The following RPTOR variants were observed in gnomAD, a reference collection of about 807,000 sequenced individuals.
RPTOR encodes the protein regulatory associated protein of MTOR complex 1.
RPTOR carries 21 observed loss-of-function variants against 169.9 expected under a neutral mutation model. The ratio of observed to expected loss-of-function variants is 0.12; its 90% CI spans 0.09 to 0.18. The LOEUF (loss-of-function observed/expected upper bound fraction) is 0.18. RPTOR is among the 10% of genes least tolerant of loss of function. The pLI, the probability that RPTOR is intolerant of heterozygous loss-of-function variation, is 1.00. For synonymous variants in RPTOR, 732 were observed against 753.2 expected, an observed-to-expected ratio of 0.97 and a Z score of 0.46; for missense variants, 1,133 against 1,855.9, an observed-to-expected ratio of 0.61 and a Z score of 7.16.
intron 3 of RPTOR, among the ~76,000 whole-genome samples, chr17:80,667,875 C>G (rs1254832871): frequency 6.6e-6 from 1 of 152,124 alleles, no homozygotes; most frequent in African/African-American, 2.4e-5. Context: ...GGCAGCCTGG[C>G]ATTTAGAAAA....
At chr17:80,880,015 G>C (rs990052482) in intron 13 of RPTOR, among the ~76,000 whole-genome samples, 2 of 152,248 alleles carry the variant, frequency 1.3e-5, no homozygotes, top group African/African-American at 4.8e-5. Context: ...AGAAAAGCTT[G>C]AGCGGGACCG....
intron 10 of RPTOR, among the ~76,000 whole-genome samples, chr17:80,840,736 C>A (rs1266379340): frequency 7.7e-6 from 1 of 130,312 alleles, no homozygotes; most frequent in Non-Finnish European, 1.6e-5. Context: ...TCACTCTCAC[C>A]GCACGGCAGC....
rs569898681 is a variant in RPTOR, at chr17:80,721,835, AG to A, written c.508-8724del. On this transcript the variant is annotated intron_variant, in intron 4 of 33. Coordinates refer to ENST00000306801, the MANE Select transcript of RPTOR (RefSeq NM_020761.3). The surrounding 1 kb of genome is among the most constrained non-coding windows in gnomAD (Gnocchi z 4.7). ...CTAGAAAGTTATTGCCAGCTGAAAA[AG>A]AACAAGTCTTCATTATTATCCAATT... Among the ~76,000 whole-genome samples, 660 of 151,002 alleles carry A rather than the reference AG, an allele frequency of 4.4e-3. 37 individuals carry two copies. Among genetic ancestry groups the A allele is most frequent in the African/African-American group, 0.016 (642 of 40,422 alleles).
intron 9 of RPTOR, among the ~76,000 whole-genome samples, chr17:80,824,385 A>C (rs1407951407): frequency 6.6e-6 from 1 of 152,236 alleles, no homozygotes; most frequent in African/African-American, 2.4e-5. Context: ...TCCATGAATA[A>C]CAGAGCTGTA....
intron 1 of RPTOR, among the ~76,000 whole-genome samples, chr17:80,595,973 A>G (rs948596427): frequency 6.6e-6 from 1 of 152,200 alleles, no homozygotes; most frequent in Non-Finnish European, 1.5e-5. Context: ...GGCCTTGACA[A>G]CTTTTCTCTT....
Position 80,651,559 on chromosome 17 carries a change from GCACATAACGT to G in RPTOR, c.348+7752_348+7761del, listed in dbSNP as rs1427587243. Among the ~76,000 whole-genome samples, 4 of 152,130 alleles carry G rather than the reference GCACATAACGT, an allele frequency of 2.6e-5. No homozygotes were observed. The highest frequency in any genetic ancestry group is 7.2e-5 in the African/African-American group (3 of 41,420). ...GATTTTTTTAAAATGGACATACGAA[GCACATAACGT>G]CAAGTTCACCATTTTAAAGTGTACA... On this transcript the variant is annotated intron_variant, in intron 3 of 33. Coordinates refer to ENST00000306801, the MANE Select transcript of RPTOR (RefSeq NM_020761.3). This position sits in a 1 kb window ranked among gnomAD's most constrained non-coding sequence, Gnocchi z 4.1.
intron 3 of RPTOR, among the ~76,000 whole-genome samples, chr17:80,650,154 T>C (rs1423872714): frequency 6.6e-6 from 1 of 152,220 alleles, no homozygotes; most frequent in Non-Finnish European, 1.5e-5. Flanking sequence ...TGGCAGCCTG[T>C]TGTGACTAGA....
intron 21 of RPTOR, among the ~76,000 whole-genome samples, chr17:80,917,894 G>A (rs1026084037): frequency 2.0e-5 from 3 of 152,164 alleles, no homozygotes; most frequent in African/African-American, 7.2e-5. Context: ...GCGGTGGCCT[G>A]CTGTGTGGAA....
intron 6 of RPTOR, among the ~76,000 whole-genome samples, chr17:80,774,767 G>A (rs1365079056): frequency 6.6e-6 from 1 of 152,218 alleles, no homozygotes; most frequent in Non-Finnish European, 1.5e-5. Context: ...ATCCCGCAGT[G>A]TTTCCTGAGG....
Position 80,823,801 on chromosome 17 carries a change from T to G in RPTOR, c.1136+578T>G, listed in dbSNP as rs966775879. Among the ~76,000 whole-genome samples, 16 of 152,218 alleles carry G rather than the reference T, an allele frequency of 1.1e-4. 1 individual carries two copies. ...ACAATAATGTGATTTGTTTTTAGTC[T>G]AGACATTATATTTGAAGACGTTTGG... is the stretch of plus-strand genomic sequence containing the variant. On this transcript the variant is annotated intron_variant, in intron 9 of 33. Transcript: ENST00000306801. This position sits in a 1 kb window ranked among gnomAD's most constrained non-coding sequence, Gnocchi z 4.5.
chr17:80,708,025 C>A lies in RPTOR; in HGVS notation c.507+26C>A. ...GTGGGTGTGCCTTCCAGCTTCCTTC[C>A]CGTTTCTGCCAAAAGCCATGCCAAT... On this transcript the variant is annotated intron_variant, in intron 4 of 33. Transcript: ENST00000306801. This position sits in a 1 kb window ranked among gnomAD's most constrained non-coding sequence, Gnocchi z 4.2. The A allele has an allele frequency of 6.2e-7, 1 of 1,602,992 alleles. No homozygotes were observed. Among genetic ancestry groups the A allele is most frequent in the Non-Finnish European group, 8.5e-7 (1 of 1,174,204 alleles).
At chr17:80,573,350 A>G (rs2064927794) in intron 1 of RPTOR, among the ~76,000 whole-genome samples, 1 of 152,152 alleles carries the variant, frequency 6.6e-6, no homozygotes, top group Non-Finnish European at 1.5e-5. Flanking sequence ...ATCAATTTGG[A>G]CAGATTTGAT....
intron 5 of RPTOR, among the ~76,000 whole-genome samples, chr17:80,734,902 C>T (rs12940631): frequency 0.015 from 2,228 of 152,290 alleles, 20 homozygotes; most frequent in Middle Eastern, 0.031. Context: ...ACAGCATTCA[C>T]ATGGTAGTAG....
At chr17:80,741,132 C>G (rs1461059605) in intron 5 of RPTOR, among the ~76,000 whole-genome samples, 2 of 152,188 alleles carry the variant, frequency 1.3e-5, no homozygotes, top group Non-Finnish European at 2.9e-5. Context: ...GCAAGGTTCT[C>G]AAGATGTGAA....
intron 7 of RPTOR, among the ~76,000 whole-genome samples, chr17:80,819,645 A>G (rs1428536622): frequency 6.6e-6 from 1 of 152,178 alleles, no homozygotes; most frequent in East Asian, 1.9e-4. Context: ...TCCGACTTTT[A>G]CATGTGGTAA....
intron 1 of RPTOR, among the ~76,000 whole-genome samples, chr17:80,607,683 A>G (rs2065238902): frequency 6.6e-6 from 1 of 151,582 alleles, no homozygotes; most frequent in Non-Finnish European, 1.5e-5. Flanking sequence ...TGTTTAGAGA[A>G]ATTTGGCCAC....
intron 1 of RPTOR, among the ~76,000 whole-genome samples, chr17:80,575,344 T>C (rs1409876036): frequency 6.6e-6 from 1 of 152,268 alleles, no homozygotes; most frequent in Admixed American, 6.5e-5. Context: ...AATTTTATTT[T>C]GACTTGATCA....
At chr17:80,769,111 C>T (rs955833287) in intron 6 of RPTOR, among the ~76,000 whole-genome samples, 10 of 152,246 alleles carry the variant, frequency 6.6e-5, no homozygotes, top group East Asian at 3.9e-4. Context: ...ATGTGTCCCA[C>T]GCCAGAGCCA....
chr17:80,753,373 G>A (rs939095374), intron 5 of RPTOR, among the ~76,000 whole-genome samples: 2 of 121,648 alleles, frequency 1.6e-5, no homozygotes, highest in African/African-American at 2.7e-5. Context: ...GGTGGCTCAC[G>A]CCTGTAATCC....
Sources: gnomAD v4.1 joint callset for allele counts (sites outside exome capture counted in the v4.1 genomes callset) on GRCh38, gnomAD v4.1.1 for gene constraint, Gnocchi (gnomAD v3.1) non-coding constraint, MANE v1.5 for transcripts, NCBI Gene and HGNC (gene_info 2026-07-23, HGNC 2026-07-21) for gene names.